Variants in NECAB2 observed in about 807,000 individuals in gnomAD.
NECAB2 encodes the protein N-terminal EF-hand calcium-binding protein 2.
Under a neutral mutation model 51.9 loss-of-function variants are expected in NECAB2, and 68 were observed. The ratio of observed to expected loss-of-function variants is 1.31; its 90% CI spans 1.08 to 1.60. The LOEUF (loss-of-function observed/expected upper bound fraction) is 1.60, where lower values mean the gene tolerates loss of function less well. NECAB2 is among the 40% of genes most tolerant of loss of function. The pLI is 0.00. For missense variants in NECAB2, 854 were observed against 490.3 expected, an observed-to-expected ratio of 1.74 and a Z score of -7.00; for synonymous variants, 329 against 203.5, an observed-to-expected ratio of 1.62 and a Z score of -5.25.
chr16:83,990,652 G>C, intron 6 of NECAB2, 22 bp downstream of exon 6: 2 of 1,613,318 alleles, frequency 1.2e-6, no homozygotes, highest in African/African-American at 1.3e-5. Context: ...AGACCCTGCA[G>C]GGTCCCATGG....
At chr16:83,970,782 G>T (rs1362793767) in intron 1 of NECAB2, among the ~76,000 whole-genome samples, 1 of 152,180 alleles carries the variant, frequency 6.6e-6, no homozygotes, top group African/African-American at 2.4e-5. Context: ...CAGAAGCTGG[G>T]ATCCTTCTCA....
chr16:83,991,298 T>C (rs1597215889), intron 6 of NECAB2, among the ~76,000 whole-genome samples: 1 of 151,786 alleles, frequency 6.6e-6, no homozygotes, highest in African/African-American at 2.4e-5. Context: ...TCTCTTTCTC[T>C]CTCTCTCTTT....
intron 9 of NECAB2, 111 bp from the exon 10 acceptor site, chr16:83,998,094 G>T (rs1339404644): frequency 1.1e-6 from 1 of 914,764 alleles, no homozygotes; most frequent in Non-Finnish European, 1.7e-6. Context: ...TGAAAAGTGG[G>T]GGAGGGTTAT....
intron 3 of NECAB2, among the ~76,000 whole-genome samples, chr16:83,980,553 G>C (rs2084473024): frequency 6.6e-6 from 1 of 152,098 alleles, no homozygotes; most frequent in Admixed American, 6.5e-5. Flanking sequence ...CCCCTTTCCT[G>C]GCCCCCAGCT....
At chr16:83,965,396 G>A (rs776224973), upstream of NECAB2, 30 of 1,574,198 alleles carry the variant, frequency 1.9e-5, no homozygotes, top group Non-Finnish European at 2.5e-5. Flanking sequence ...CCTGGAGGCC[G>A]CCACAAGGGT....
intron 7 of NECAB2, 63 bp downstream of exon 7, chr16:83,994,483 C>G: frequency 6.3e-7 from 1 of 1,596,276 alleles, no homozygotes; most frequent in Non-Finnish European, 8.6e-7. Flanking sequence ...TTCTGAGAGT[C>G]CTCTGACAGG....
chr16:84,001,796 C>G, intron 11 of NECAB2, 29 bp from the exon 12 acceptor site: 10 of 1,612,668 alleles, frequency 6.2e-6, no homozygotes, highest in Non-Finnish European at 8.5e-6. Flanking sequence ...TCCTGCCACC[C>G]CTGACTCACA....
chr16:83,975,953 C>G (rs1156447929), intron 2 of NECAB2, among the ~76,000 whole-genome samples: 2 of 152,166 alleles, frequency 1.3e-5, no homozygotes, highest in East Asian at 3.9e-4. Flanking sequence ...ATCAGGCGTT[C>G]AGGATAAATG....
At chr16:83,986,317 C>G (rs1235123456) in intron 5 of NECAB2, among the ~76,000 whole-genome samples, 1 of 152,024 alleles carries the variant, frequency 6.6e-6, no homozygotes, top group Non-Finnish European at 1.5e-5. Flanking sequence ...GCGCCCAGCC[C>G]AAAGATTTTC....
At position 83,997,479 on chromosome 16, in the gene NECAB2, CTTTTTTTT is replaced by C. The variant is rs11296947; in HGVS notation, c.849+229_849+236del. Among the ~76,000 whole-genome samples, 190 of 53,282 alleles carry C rather than the reference CTTTTTTTT, an allele frequency of 3.6e-3. 2 individuals are homozygous for C. The highest frequency in any genetic ancestry group is 0.012 in the African/African-American group (157 of 12,794). 35.0% of individuals were successfully genotyped at this position (53,282 alleles called of 152,430 possible). ...GGGTATTTCTTGAGGCTCCCTGGACCTTTTTTTTTTTTTTTTTTTTTTTTTTGAGATGG... is the reference window on the plus strand; with the variant it reads ...GGGTATTTCTTGAGGCTCCCTGGACCTTTTTTTTTTTTTTTTTTGAGATGG... On this transcript the variant is annotated intron_variant, in intron 9 of 12. Coordinates refer to ENST00000305202, the MANE Select transcript of NECAB2 (RefSeq NM_019065.3).
intron 1 of NECAB2, 129 bp from the exon 2 acceptor site, chr16:83,972,022 G>C (rs1282970330): frequency 6.3e-6 from 8 of 1,259,994 alleles, no homozygotes; most frequent in South Asian, 5.2e-5. Context: ...GAGAGGGAAG[G>C]GGGGCTCAGC....
intron 11 of NECAB2, 29 bp from the exon 12 acceptor site, chr16:84,001,796 C>CCTGA (rs759404036): frequency 6.2e-7 from 1 of 1,612,668 alleles, no homozygotes; most frequent in Non-Finnish European, 8.5e-7. Flanking sequence ...TCCTGCCACC[C>CCTGA]CTGACTCACA....
rs371722569 is a variant in NECAB2, at chr16:83,994,430, A to G, written c.715+10A>G. 6 of 1,613,538 alleles carry G rather than the reference A, an allele frequency of 3.7e-6. No homozygotes were observed. The highest frequency in any genetic ancestry group is 3.4e-6 in the Non-Finnish European group (4 of 1,179,598). On this transcript the variant is annotated intron_variant, in intron 7 of 12. Transcript: ENST00000305202. ...AAGACCCTTCCATCTGGTGAGAGAA[A>G]GCGGGGGCCCTGGTGGGGGTACCAG...
chr16:83,998,940 G>C (rs534552012), intron 10 of NECAB2, among the ~76,000 whole-genome samples: 97 of 152,316 alleles, frequency 6.4e-4, no homozygotes, highest in African/African-American at 2.2e-3. Flanking sequence ...GGTTGCAGAA[G>C]ACAACAGCCC....
intron 10 of NECAB2, among the ~76,000 whole-genome samples, chr16:83,999,873 GGTTTTTTGAT>G (rs2084787111): frequency 1.4e-5 from 2 of 144,180 alleles, no homozygotes; most frequent in African/African-American, 5.4e-5. Context: ...GATTTTTAAA[GGTTTTTTGAT>G]TTTTAAAGGT....
Position 84,002,404 on chromosome 16 carries a change from C to CA in NECAB2, c.*58_*59insA, listed in dbSNP as rs1173029787. ...AGCCCCTTCTTCTTGTGAAGGAAAT[C>CA]CCGTTTTTTTCTAGACAGACACTTT... On this transcript the variant is annotated 3_prime_UTR_variant, in exon 13 of 13. Transcript: ENST00000305202. The CA allele has an allele frequency of 1.3e-4, 205 of 1,560,080 alleles. No homozygotes were observed. The African/African-American group carries it at 3.2e-3, about 24-fold the overall frequency.
intron 2 of NECAB2, 64 bp from the exon 3 acceptor site, chr16:83,978,380 G>A (rs1005902276): frequency 8.2e-6 from 11 of 1,343,838 alleles, no homozygotes; most frequent in East Asian, 6.9e-5. Context: ...GGCCGTGCAT[G>A]CACTAGCCCC....
chr16:83,970,549 C>T (rs1275628142), intron 1 of NECAB2, among the ~76,000 whole-genome samples: 2 of 152,140 alleles, frequency 1.3e-5, no homozygotes, highest in African/African-American at 2.4e-5. Context: ...CCCCCTTTCT[C>T]GTTGCCTGGA....
intron 5 of NECAB2, among the ~76,000 whole-genome samples, chr16:83,989,456 A>G (rs1220494226): frequency 1.2e-4 from 19 of 152,174 alleles, no homozygotes; most frequent in Admixed American, 1.2e-3. Flanking sequence ...ATTAATTCCC[A>G]GTCAGAGTGA....
Sources: gnomAD v4.1 joint callset for allele counts (sites outside exome capture counted in the v4.1 genomes callset) on GRCh38, gnomAD v4.1.1 for gene constraint, MANE v1.5 for transcripts, NCBI Gene and HGNC (gene_info 2026-07-23, HGNC 2026-07-21) for gene names.